The following FZR1 variants were observed in gnomAD, a reference collection of about 807,000 sequenced individuals.
The protein encoded by FZR1 is fizzy-related protein homolog.
In FZR1, 11 loss-of-function variants were observed where a neutral mutation model predicts 63.6. The ratio of observed to expected loss-of-function variants is 0.17; its 90% CI spans 0.11 to 0.29. The LOEUF is 0.29. Ranked by LOEUF, FZR1 falls within the 10% of genes least tolerant of loss-of-function variation. FZR1 has a pLI of 1.00. For missense variants in FZR1, 440 were observed against 687.5 expected (o/e 0.64, Z 4.03); for synonymous variants, 328 against 297.9 (o/e 1.10, Z -1.04).
At position 3,526,873 on chromosome 19, in the gene FZR1, C is replaced by G; in HGVS notation, c.388-107C>G. 1 of 786,154 alleles carries G rather than the reference C, an allele frequency of 1.3e-6. No individual in the cohort carries two copies. Among genetic ancestry groups the G allele is most frequent in the South Asian group, 1.5e-5 (1 of 66,168 alleles). The allele number at this position is 786,154 out of a possible 1,614,324, so 48.7% of individuals were successfully genotyped here. A position where few individuals can be genotyped will look rare whatever the true frequency, so the allele number is the denominator to read the frequency against. The stretch of plus-strand genomic sequence containing the variant: ...ACAGCTGCTCCACACAGGGTCTCAG[C>G]ACCTGCCTTAGGGCTATGAGCTGTA... On this transcript the variant is annotated intron_variant, in intron 5 of 13. Coordinates refer to ENST00000441788, the MANE Select transcript of FZR1 (RefSeq NM_016263.4). The surrounding 1 kb of genome is among the most constrained non-coding windows in gnomAD (Gnocchi z 5.4).
At chr19:3,511,921 C>T (rs1200873936) in intron 1 of FZR1, among the ~76,000 whole-genome samples, 1 of 151,450 alleles carries the variant, frequency 6.6e-6, no homozygotes, top group African/African-American at 2.4e-5. Flanking sequence ...GTGGGGGTTG[C>T]TCCCTGCAGA....
chr19:3,512,892 T>TC (rs1029188179), intron 1 of FZR1, among the ~76,000 whole-genome samples: 6 of 151,972 alleles, frequency 3.9e-5, no homozygotes, highest in Non-Finnish European at 7.4e-5. Flanking sequence ...GAGGCAAACC[T>TC]CCCCAGAAAC....
In FZR1 at chr19:3,515,732, G is replaced by T. The variant is rs912376442; in HGVS notation, c.-34-7224G>T. Among the ~76,000 whole-genome samples, 6 of 149,788 alleles carry T rather than the reference G, an allele frequency of 4.0e-5. No homozygotes were observed. The highest frequency in any genetic ancestry group is 1.2e-4 in the African/African-American group (5 of 40,396). On this transcript the variant is annotated intron_variant, in intron 1 of 13. Transcript: ENST00000441788. The surrounding 1 kb of genome is among the most constrained non-coding windows in gnomAD (Gnocchi z 4.6). ...AGTGAGCAGAGATCGCACCACTGCA[G>T]TCCAGCCTGGGTGACAGAGCCAGAC...
chr19:3,534,878 G>A lies in FZR1; in HGVS notation c.*42G>A, dbSNP rs368839624. The A allele has an allele frequency of 1.4e-5, 21 of 1,522,340 alleles. No individual in the cohort carries two copies. The highest frequency in any genetic ancestry group is 1.7e-4 in the Middle Eastern group (1 of 5,866). The allele number at this position is 1,522,340 out of a possible 1,614,324, so 94.3% of individuals were successfully genotyped here. ...CGTGCCACACCAGCTGTCCAGAGTCGGAGGACCCCAGCTCCTCAGCTTGCA... is the reference window on the plus strand; with the variant it reads ...CGTGCCACACCAGCTGTCCAGAGTCAGAGGACCCCAGCTCCTCAGCTTGCA... On this transcript the variant is annotated 3_prime_UTR_variant, in exon 14 of 14. Coordinates refer to ENST00000441788, the MANE Select transcript of FZR1 (RefSeq NM_016263.4).
chr19:3,525,935 AC>A lies in FZR1; in HGVS notation c.139del (p.Arg47AlafsTer13). ...GTGTCCTCGCCCAGCAAGCACGGAG[AC>A]CGCTTCATCCCCTCCAGAGCCGGAG... ...SPVSSPSKHG[D>X]RFIPSRAGAN... On this transcript the variant is annotated frameshift_variant, in exon 3 of 14. Transcript: ENST00000441788. LOFTEE classifies it high-confidence loss of function. This position sits in a 1 kb window ranked among gnomAD's most constrained non-coding sequence, Gnocchi z 4.2. 1 of 1,612,380 alleles carries A rather than the reference AC, an allele frequency of 6.2e-7. No individual in the cohort carries two copies. The highest frequency in any genetic ancestry group is 8.5e-7 in the Non-Finnish European group (1 of 1,179,866).
chr19:3,518,951 G>A (rs938225655), intron 1 of FZR1, among the ~76,000 whole-genome samples: 4 of 152,330 alleles, frequency 2.6e-5, no homozygotes, highest in African/African-American at 9.6e-5. Context: ...ACCTCCTCTG[G>A]TAGGGAGCTC....
At position 3,514,078 on chromosome 19, in the gene FZR1, G is replaced by C. The variant is rs1014623672; in HGVS notation, c.-35+7604G>C. Among the ~76,000 whole-genome samples, 4 of 152,188 alleles carry C rather than the reference G, an allele frequency of 2.6e-5. No individual in the cohort carries two copies. Among genetic ancestry groups the C allele is most frequent in the African/African-American group, 9.7e-5 (4 of 41,444 alleles). ...TGTTCCTGAGGAAGATCCCGCACCAGGGGAGACCTTGGGGGCTTTGCATTG... is the reference window on the plus strand; with the variant it reads ...TGTTCCTGAGGAAGATCCCGCACCACGGGAGACCTTGGGGGCTTTGCATTG... On this transcript the variant is annotated intron_variant, in intron 1 of 13. Coordinates refer to ENST00000441788, the MANE Select transcript of FZR1 (RefSeq NM_016263.4). The surrounding 1 kb of genome is among the most constrained non-coding windows in gnomAD (Gnocchi z 4.2).
intron 8 of FZR1, among the ~76,000 whole-genome samples, 184 bp from the exon 9 acceptor site, chr19:3,531,530 C>T (rs770621023): frequency 6.6e-6 from 1 of 152,224 alleles, no homozygotes; most frequent in Non-Finnish European, 1.5e-5. Flanking sequence ...CGGGGTGTGC[C>T]CGCCACCCCA....
chr19:3,513,702 C>T (rs1454599638), intron 1 of FZR1, among the ~76,000 whole-genome samples: 2 of 152,154 alleles, frequency 1.3e-5, no homozygotes, highest in East Asian at 1.9e-4. Context: ...TGGCGGCACC[C>T]ATGAGGCTCT....
chr19:3,511,712 G>A (rs377653720), intron 1 of FZR1, among the ~76,000 whole-genome samples: 25 of 152,244 alleles, frequency 1.6e-4, no homozygotes, highest in African/African-American at 4.1e-4. Context: ...AATGAATGAC[G>A]TGCACGGGGT....
rs758471391 is a variant in FZR1 at position 3,533,267 on chromosome 19, G to A, written c.1243-27G>A. 29 of 1,436,964 alleles carry A rather than the reference G, an allele frequency of 2.0e-5. No individual in the cohort carries two copies. Among genetic ancestry groups the A allele is most frequent in the Admixed American group, 5.0e-5 (3 of 59,690 alleles). 89.0% of individuals were successfully genotyped at this position (1,436,964 alleles called of 1,614,324 possible). ...GCACCCGGCCTCGTTGCCCCTCACC[G>A]ACCGCAGCGCCCCCTCCGCCCTCCA... On this transcript the variant is annotated intron_variant, in intron 11 of 13. Transcript: ENST00000441788. The surrounding 1 kb of genome is among the most constrained non-coding windows in gnomAD (Gnocchi z 4.9).
At chr19:3,529,767 T>C (rs1021042324) in intron 7 of FZR1, among the ~76,000 whole-genome samples, 1 of 62,152 alleles carries the variant, frequency 1.6e-5, no homozygotes, top group Non-Finnish European at 3.0e-5. Flanking sequence ...AGCGCATGGG[T>C]GAGCGGATGC....
intron 1 of FZR1, among the ~76,000 whole-genome samples, chr19:3,522,325 A>G (rs72976608): frequency 6.6e-6 from 1 of 152,158 alleles, no homozygotes; most frequent in Non-Finnish European, 1.5e-5. Flanking sequence ...ACACCTCAAC[A>G]TAAATGCCAC....
chr19:3,526,922 G>A lies in FZR1; in HGVS notation c.388-58G>A. On this transcript the variant is annotated intron_variant, in intron 5 of 13. Coordinates refer to ENST00000441788, the MANE Select transcript of FZR1 (RefSeq NM_016263.4). The surrounding 1 kb of genome is among the most constrained non-coding windows in gnomAD (Gnocchi z 5.4). ...TACCGGGAGCGTGGGCTGCTGGGGG[G>A]CTCTGAGGGTCCTGCGGCCTGGGCG... 3.3e-6 allele frequency: 4 copies of A among 1,200,016 alleles called. No homozygotes were observed. Among genetic ancestry groups the A allele is most frequent in the Non-Finnish European group, 3.7e-6 (3 of 811,360 alleles). The allele number at this position is 1,200,016 out of a possible 1,614,324, so 74.3% of individuals were successfully genotyped here. A position where few individuals can be genotyped will look rare whatever the true frequency, so the allele number is the denominator to read the frequency against.
chr19:3,519,085 G>A (rs566191785), intron 1 of FZR1, among the ~76,000 whole-genome samples: 69 of 152,356 alleles, frequency 4.5e-4, no homozygotes, highest in African/African-American at 1.6e-3. Flanking sequence ...GTCAGGGGCC[G>A]TGGGGGCACA....
chr19:3,519,285 C>G (rs1406297995), intron 1 of FZR1, among the ~76,000 whole-genome samples: 2 of 152,230 alleles, frequency 1.3e-5, no homozygotes, highest in African/African-American at 4.8e-5. Context: ...GGTCAGGACC[C>G]TACGCCCCTG....
chr19:3,510,055 C>T (rs923624498), intron 1 of FZR1, among the ~76,000 whole-genome samples: 1 of 152,124 alleles, frequency 6.6e-6, no homozygotes, highest in African/African-American at 2.4e-5. Flanking sequence ...GCCTTCCAAC[C>T]TTTCCACCTT....
chr19:3,533,640 T>G lies in FZR1; in HGVS notation c.1347+242T>G, dbSNP rs1045532122. 8 of 502,856 alleles carry G rather than the reference T, an allele frequency of 1.6e-5. No individual in the cohort carries two copies. The highest frequency in any genetic ancestry group is 1.2e-4 in the African/African-American group (6 of 51,346). The allele number at this position is 502,856 out of a possible 1,614,324, so 31.1% of individuals were successfully genotyped here. On this transcript the variant is annotated intron_variant, in intron 12 of 13. Transcript: ENST00000441788. The surrounding 1 kb of genome is among the most constrained non-coding windows in gnomAD (Gnocchi z 4.9). ...CCTGTCCTCCTGGAGGACCTTAGCT[T>G]CTTCATTTGTTTATTTTCCCCATAA... is the stretch of plus-strand genomic sequence containing the variant.
intron 1 of FZR1, among the ~76,000 whole-genome samples, chr19:3,512,474 T>G (rs2083030785): frequency 6.6e-6 from 1 of 152,246 alleles, no homozygotes; most frequent in Non-Finnish European, 1.5e-5. Context: ...GGGTTGAAGC[T>G]GGGACTCAGC....
Sources: gnomAD v4.1 joint callset for allele counts (sites outside exome capture counted in the v4.1 genomes callset) on GRCh38, gnomAD v4.1.1 for gene constraint, Gnocchi (gnomAD v3.1) non-coding constraint, MANE v1.5 for transcripts, NCBI Gene and HGNC (gene_info 2026-07-23, HGNC 2026-07-21) for gene names.